ST18: variants seen among roughly 807,000 people sequenced by gnomAD.
ST18 encodes ST18 C2H2C-type zinc finger transcription factor.
Under a neutral mutation model 110.0 loss-of-function variants are expected in ST18, and 50 were observed. The ratio of observed to expected loss-of-function variants is 0.45; its 90% CI spans 0.36 to 0.58. ST18 has a LOEUF of 0.58. ST18 is among the 20% of genes least tolerant of loss of function. The probability of loss-of-function intolerance (pLI) is 0.00; values close to 1 mark genes in which losing one functional copy is unlikely to be tolerated. For synonymous variants in ST18, 461 were observed against 452.4 expected (o/e 1.02, Z -0.24); for missense variants, 1,306 against 1,280.1 (o/e 1.02, Z -0.31).
At chr8:52,231,182 C>T (rs1298435533) in intron 2 of ST18, among the ~76,000 whole-genome samples, 1 of 152,094 alleles carries the variant, frequency 6.6e-6, no homozygotes, top group Non-Finnish European at 1.5e-5. Context: ...ATTTATTACC[C>T]AGATAATAGC....
chr8:52,167,092 G>T, intron 10 of ST18, 106 bp from the exon 11 acceptor site: 1 of 1,405,230 alleles, frequency 7.1e-7, no homozygotes, highest in Non-Finnish European at 9.6e-7. Flanking sequence ...CAGTTTTACC[G>T]TTATAAACAT....
At chr8:52,151,765 T>C (rs1435003241) in intron 15 of ST18, among the ~76,000 whole-genome samples, 2 of 152,170 alleles carry the variant, frequency 1.3e-5, no homozygotes, top group Non-Finnish European at 2.9e-5. Flanking sequence ...TTGTAGTTGC[T>C]GACATTTTTC....
intron 11 of ST18, among the ~76,000 whole-genome samples, chr8:52,165,924 GT>G (rs1420858840): frequency 2.0e-5 from 3 of 152,220 alleles, no homozygotes; most frequent in African/African-American, 7.2e-5. Flanking sequence ...AATGTAGAAG[GT>G]GGCAGCCCTC....
At chr8:52,150,777 C>T (rs2058620702) in intron 15 of ST18, 1 of 152,234 alleles carries the variant, frequency 6.6e-6, no homozygotes, top group South Asian at 2.1e-4. Flanking sequence ...TCTTGAGATA[C>T]CTTCTACCTT....
chr8:52,212,762 C>T (rs1352869484), intron 7 of ST18, among the ~76,000 whole-genome samples: 4 of 152,076 alleles, frequency 2.6e-5, no homozygotes, highest in South Asian at 2.1e-4. Context: ...TCATGCCTCA[C>T]GAGAAACAGT....
intron 2 of ST18, among the ~76,000 whole-genome samples, chr8:52,236,898 T>C (rs2092757457): frequency 6.6e-6 from 1 of 152,208 alleles, no homozygotes; most frequent in African/African-American, 2.4e-5. Context: ...AAATACTTTA[T>C]GGATGATTGG....
intron 2 of ST18, among the ~76,000 whole-genome samples, chr8:52,235,837 G>A (rs1034507116): frequency 6.6e-6 from 1 of 152,142 alleles, no homozygotes; most frequent in Non-Finnish European, 1.5e-5. Context: ...GGTGCAGGGG[G>A]AGGGGATATT....
intron 22 of ST18, among the ~76,000 whole-genome samples, chr8:52,128,495 ATTGCTATTT>A (rs2047955264): frequency 6.6e-6 from 1 of 152,132 alleles, no homozygotes. Context: ...GTCTTCTCAG[ATTGCTATTT>A]TTTTCAAAGG....
intron 2 of ST18, among the ~76,000 whole-genome samples, chr8:52,371,373 A>G (rs1214511144): frequency 6.6e-6 from 1 of 152,248 alleles, no homozygotes; most frequent in Non-Finnish European, 1.5e-5. Flanking sequence ...TTGCAAACCA[A>G]TCATTTGATT....
At position 52,170,580 on chromosome 8, in the gene ST18, A is replaced by AT. The variant is rs543413279; in HGVS notation, c.1069+1211dup. Among the ~76,000 whole-genome samples the AT allele has an allele frequency of 5.3e-4, 80 of 151,010 alleles. 1 individual carries two copies. Among genetic ancestry groups the AT allele is most frequent in the Admixed American group, 1.7e-3 (26 of 15,154 alleles). ...ATTTCGGGAATTTTGAGTAAATTTCATTTTTTTTTCTGATTTTGTAGTTTA... is the reference window on the plus strand; with the variant it reads ...ATTTCGGGAATTTTGAGTAAATTTCATTTTTTTTTTCTGATTTTGTAGTTTA... On this transcript the variant is annotated intron_variant, in intron 10 of 25. Transcript: ENST00000689386.
chr8:52,392,721 T>G (rs557295129), intron 2 of ST18, among the ~76,000 whole-genome samples: 173 of 152,332 alleles, frequency 1.1e-3, no homozygotes, highest in Non-Finnish European at 2.1e-3. Flanking sequence ...CAGAGTTTTC[T>G]GGAGTTAAAA....
chr8:52,218,452 G>T (rs957921063), intron 5 of ST18, among the ~76,000 whole-genome samples: 1 of 149,264 alleles, frequency 6.7e-6, no homozygotes, highest in African/African-American at 2.5e-5. Context: ...GCATGATCTC[G>T]GCTCACTGCA....
intron 2 of ST18, among the ~76,000 whole-genome samples, chr8:52,322,463 G>A (rs1032065159): frequency 6.6e-6 from 1 of 152,136 alleles, no homozygotes; most frequent in Non-Finnish European, 1.5e-5. Flanking sequence ...ATATCTGACC[G>A]ACTTGTTTAC....
chr8:52,267,986 C>T (rs754909483), intron 2 of ST18, among the ~76,000 whole-genome samples: 3 of 152,210 alleles, frequency 2.0e-5, no homozygotes, highest in Non-Finnish European at 4.4e-5. Context: ...ACATAAAGAT[C>T]ATAGTTCACC....
rs545716837 is a variant in ST18 at position 52,314,744 on chromosome 8, C to T, written c.-464-84667G>A. On this transcript the variant is annotated intron_variant, in intron 2 of 25. Coordinates refer to ENST00000689386, the MANE Select transcript of ST18 (RefSeq NM_001352837.2). ...CCTCCCTGGCCCCAACCAGAGCCTCCTCTGTGCCCACTGGCACCTTCCCTC... is the reference window on the plus strand; with the variant it reads ...CCTCCCTGGCCCCAACCAGAGCCTCTTCTGTGCCCACTGGCACCTTCCCTC... Among the ~76,000 whole-genome samples the T allele has an allele frequency of 3.9e-5, 6 of 152,288 alleles. No homozygotes were observed. The South Asian group carries it at 1.0e-3, about 26-fold the overall frequency.
At chr8:52,289,130 C>T (rs2095515074) in intron 2 of ST18, among the ~76,000 whole-genome samples, 1 of 152,222 alleles carries the variant, frequency 6.6e-6, no homozygotes, top group Non-Finnish European at 1.5e-5. Context: ...ATCTTAGATA[C>T]TACCCCTCTA....
At chr8:52,200,503 T>A (rs2077601054) in intron 8 of ST18, among the ~76,000 whole-genome samples, 1 of 151,994 alleles carries the variant, frequency 6.6e-6, no homozygotes, top group East Asian at 1.9e-4. Context: ...TAGGGGGCAA[T>A]GAACAGGGAA....
At chr8:52,279,451 G>A (rs2095334394) in intron 2 of ST18, among the ~76,000 whole-genome samples, 1 of 152,008 alleles carries the variant, frequency 6.6e-6, no homozygotes, top group Admixed American at 6.5e-5. Context: ...ACATCTAATG[G>A]AAATCACAGA....
chr8:52,241,709 C>T (rs1466918358), intron 2 of ST18, among the ~76,000 whole-genome samples: 2 of 152,184 alleles, frequency 1.3e-5, no homozygotes, highest in Non-Finnish European at 2.9e-5. Flanking sequence ...AATGTTCTAG[C>T]TCTGATAGTT....
Sources: allele counts gnomAD v4.1 joint callset (sites outside exome capture counted in the v4.1 genomes callset), GRCh38; gene constraint gnomAD v4.1.1; transcripts MANE v1.5; gene names NCBI Gene and HGNC (gene_info 2026-07-23, HGNC 2026-07-21).